PRKG2: variants seen among roughly 807,000 people sequenced by gnomAD.
PRKG2 encodes cGMP-dependent protein kinase 2.
A neutral mutation model predicts 97.2 loss-of-function variants in PRKG2; 33 were observed. That is an observed-to-expected ratio of 0.34 (90% CI 0.26 to 0.45). PRKG2 has a LOEUF of 0.45. Among genes scored for constraint, PRKG2 ranks in the 20% least tolerant of loss-of-function variants. The pLI, the probability that PRKG2 is intolerant of heterozygous loss-of-function variation, is 1.00. For synonymous variants in PRKG2, 330 were observed against 321.8 expected (o/e 1.03, Z -0.27); for missense variants, 638 against 900.0 (o/e 0.71, Z 3.73).
intron 12 of PRKG2, among the ~76,000 whole-genome samples, 197 bp downstream of exon 12, chr4:81,140,336 C>G (rs1166335040): frequency 6.6e-6 from 1 of 152,100 alleles, no homozygotes; most frequent in Non-Finnish European, 1.5e-5. Flanking sequence ...GATAAATGCT[C>G]AAGGGGATGG....
chr4:81,156,411 A>C (rs1288571306), intron 6 of PRKG2, among the ~76,000 whole-genome samples: 1 of 152,214 alleles, frequency 6.6e-6, no homozygotes, highest in Non-Finnish European at 1.5e-5. Context: ...CCAATACAGG[A>C]GCACCCAGAT....
intron 8 of PRKG2, among the ~76,000 whole-genome samples, chr4:81,150,139 G>GCATAGA (rs1156452212): frequency 1.3e-5 from 2 of 152,120 alleles, no homozygotes; most frequent in African/African-American, 2.4e-5. Flanking sequence ...ATAGACATAA[G>GCATAGA]CATAGACATA....
chr4:81,139,569 C>T lies in PRKG2; in HGVS notation c.1544+964G>A, dbSNP rs112282317. Among the ~76,000 whole-genome samples, 81 of 151,356 alleles carry T rather than the reference C, an allele frequency of 5.4e-4. 1 individual carries two copies. In the South Asian group the frequency reaches 8.8e-3, roughly 17 times the overall value. The stretch of plus-strand genomic sequence containing the variant: ...GATCACGAGGTCAGGAGATCGAGAC[C>T]GTCCTGGCTAACACGGTGAAACCCC... On this transcript the variant is annotated intron_variant, in intron 12 of 18. Coordinates refer to ENST00000264399, the MANE Select transcript of PRKG2 (RefSeq NM_006259.3).
At chr4:81,091,930 T>C (rs1452107620) in intron 18 of PRKG2, among the ~76,000 whole-genome samples, 11 of 152,178 alleles carry the variant, frequency 7.2e-5, no homozygotes, top group Non-Finnish European at 1.5e-5. Context: ...TTAGAAAATT[T>C]ATTATGGAAA....
intron 2 of PRKG2, among the ~76,000 whole-genome samples, chr4:81,204,219 C>CT (rs748154542): frequency 0.017 from 2,334 of 139,748 alleles, 46 homozygotes; most frequent in African/African-American, 0.053. Context: ...ATGTGACTCT[C>CT]TTTTTTTTTT....
intron 11 of PRKG2, among the ~76,000 whole-genome samples, chr4:81,141,579 A>G (rs1287823551): frequency 6.6e-6 from 1 of 152,186 alleles, no homozygotes; most frequent in Admixed American, 6.5e-5. Context: ...TAATTTTTTG[A>G]TAGATTTAAA....
intron 2 of PRKG2, among the ~76,000 whole-genome samples, chr4:81,202,737 T>TTC (rs1753394467): frequency 6.6e-6 from 1 of 151,852 alleles, no homozygotes; most frequent in Admixed American, 6.6e-5. Context: ...ACTGATTTTT[T>TTC]TTTTGCCTGA....
chr4:81,125,843 C>T (rs1363860079), intron 14 of PRKG2, among the ~76,000 whole-genome samples: 1 of 152,058 alleles, frequency 6.6e-6, no homozygotes, highest in African/African-American at 2.4e-5. Flanking sequence ...ACTGACGTGA[C>T]TTACTGACGA....
At chr4:81,200,137 T>C (rs1302230995) in intron 2 of PRKG2, among the ~76,000 whole-genome samples, 2 of 152,210 alleles carry the variant, frequency 1.3e-5, no homozygotes, top group Non-Finnish European at 2.9e-5. Flanking sequence ...AAAGAAAAAC[T>C]TAATCTCAGT....
intron 2 of PRKG2, among the ~76,000 whole-genome samples, chr4:81,194,187 C>A (rs974463767): frequency 3.9e-5 from 6 of 152,096 alleles, no homozygotes; most frequent in Admixed American, 6.6e-5. Flanking sequence ...TTACTTAATA[C>A]CTAGAACTGT....
Position 81,135,145 on chromosome 4 carries a change from G to A in PRKG2, c.1776+10C>T. 6.3e-7 allele frequency: 1 copy of A among 1,597,208 alleles called. No homozygotes were observed. Among genetic ancestry groups the A allele is most frequent in the Middle Eastern group, 1.7e-4 (1 of 5,968 alleles). On this transcript the variant is annotated intron_variant, in intron 14 of 18. Coordinates refer to ENST00000264399, the MANE Select transcript of PRKG2 (RefSeq NM_006259.3). ...TCATATGAGACTGTAAGTGAGAAAA[G>A]TTGTCTTACCAATTTAAGGTAACCC...
At chr4:81,216,406 A>G (rs898806392), upstream of PRKG2, among the ~76,000 whole-genome samples, 6 of 152,272 alleles carry the variant, frequency 3.9e-5, no homozygotes, top group Non-Finnish European at 8.8e-5. Flanking sequence ...GTGAGGAAGA[A>G]TTCCACAAGA....
chr4:81,171,292 C>T (rs963367321), intron 4 of PRKG2, among the ~76,000 whole-genome samples: 1 of 151,778 alleles, frequency 6.6e-6, no homozygotes, highest in Non-Finnish European at 1.5e-5. Context: ...TGTTAGTTTG[C>T]TGAGGATAAT....
At chr4:81,200,999 T>G (rs1312824160) in intron 2 of PRKG2, among the ~76,000 whole-genome samples, 7 of 152,134 alleles carry the variant, frequency 4.6e-5, no homozygotes, top group Non-Finnish European at 7.4e-5. Flanking sequence ...CTCCACATTG[T>G]GCCCACCTCA....
At chr4:81,144,768 C>G (rs1470206906) in intron 9 of PRKG2, among the ~76,000 whole-genome samples, 2 of 124,134 alleles carry the variant, frequency 1.6e-5, no homozygotes, top group East Asian at 5.4e-4. Flanking sequence ...TCCCCCCACC[C>G]CATGACAGGC....
At chr4:81,189,709 T>C (rs1237896245) in intron 2 of PRKG2, among the ~76,000 whole-genome samples, 8 of 151,744 alleles carry the variant, frequency 5.3e-5, no homozygotes, top group African/African-American at 1.9e-4. Flanking sequence ...CATGTATACA[T>C]ATGTAACTAA....
intron 10 of PRKG2, 93 bp from the exon 11 acceptor site, chr4:81,143,040 T>C (rs1315638720): frequency 5.0e-6 from 7 of 1,399,594 alleles, no homozygotes; most frequent in Non-Finnish European, 6.6e-6. Flanking sequence ...CAGTCTAATT[T>C]CTGCTGTAAC....
intron 3 of PRKG2, among the ~76,000 whole-genome samples, chr4:81,174,234 A>C (rs1750729345): frequency 6.6e-6 from 1 of 152,070 alleles, no homozygotes; most frequent in Admixed American, 6.6e-5. Context: ...TGTTGGTCAA[A>C]AGTACCTAAA....
At chr4:81,111,253 T>G (rs1560544666) in intron 14 of PRKG2, among the ~76,000 whole-genome samples, 1 of 151,998 alleles carries the variant, frequency 6.6e-6, no homozygotes, top group East Asian at 1.9e-4. Context: ...CTCAGGAAGG[T>G]GAGTGGTGGG....
Sources: gnomAD v4.1 joint callset for allele counts (sites outside exome capture counted in the v4.1 genomes callset) on GRCh38, gnomAD v4.1.1 for gene constraint, MANE v1.5 for transcripts, NCBI Gene and HGNC (gene_info 2026-07-23, HGNC 2026-07-21) for gene names.